Variants in KLHL32 observed in about 807,000 individuals in gnomAD.
The protein encoded by KLHL32 is kelch-like protein 32.
KLHL32 carries 35 observed loss-of-function variants against 64.8 expected under a neutral mutation model. The ratio of observed to expected loss-of-function variants is 0.54; its 90% CI spans 0.41 to 0.72. KLHL32 has a LOEUF of 0.72. KLHL32 is among the 30% of genes least tolerant of loss of function. The pLI is 0.00. For synonymous variants in KLHL32, 259 were observed against 281.0 expected (o/e 0.92, Z 0.78); for missense variants, 589 against 768.5 (o/e 0.77, Z 2.76).
In KLHL32 at chr6:97,128,429, A is replaced by G. The variant is rs571643571; in HGVS notation, c.1413+967A>G. 2.6e-5 allele frequency among the ~76,000 whole-genome samples: 4 copies of G among 152,350 alleles called. No individual in the cohort carries two copies. In the East Asian group the frequency reaches 7.7e-4, roughly 29 times the overall value. ...TTGAGTTTGGTGCACATGTGGTTAAAGAGGAAGAAGGTGTTAACATTTCTC... is the reference window on the plus strand; with the variant it reads ...TTGAGTTTGGTGCACATGTGGTTAAGGAGGAAGAAGGTGTTAACATTTCTC... On this transcript the variant is annotated intron_variant, in intron 8 of 10. Coordinates refer to ENST00000369261, the MANE Select transcript of KLHL32 (RefSeq NM_052904.4).
At chr6:97,100,964 AGC>A (rs1300207643) in intron 6 of KLHL32, among the ~76,000 whole-genome samples, 1 of 51,068 alleles carries the variant, frequency 2.0e-5, no homozygotes, top group African/African-American at 8.6e-5. Context: ...ACTGCAGCCA[AGC>A]TTTTTTTTTT....
At chr6:96,923,986 T>C (rs987609362), upstream of KLHL32, among the ~76,000 whole-genome samples, 8 of 152,188 alleles carry the variant, frequency 5.3e-5, no homozygotes, top group Non-Finnish European at 1.0e-4. Context: ...TATGGTTCTG[T>C]GGTTGTTGTC....
intron 10 of KLHL32, among the ~76,000 whole-genome samples, chr6:97,136,655 C>T (rs1338665378): frequency 6.6e-6 from 1 of 152,148 alleles, no homozygotes. Context: ...CTACTGTTAT[C>T]TTCATTTACT....
At chr6:97,045,634 A>G (rs1392770244) in intron 4 of KLHL32, among the ~76,000 whole-genome samples, 1 of 152,244 alleles carries the variant, frequency 6.6e-6, no homozygotes, top group Non-Finnish European at 1.5e-5. Flanking sequence ...CTGAGTTAAA[A>G]TACACATGCA....
At chr6:97,129,407 A>G (rs1799205174) in intron 8 of KLHL32, among the ~76,000 whole-genome samples, 1 of 152,138 alleles carries the variant, frequency 6.6e-6, no homozygotes, top group South Asian at 2.1e-4. Context: ...CCTGTCCATT[A>G]CTTTCTTTAC....
At chr6:97,092,241 G>T (rs1013805317) in intron 6 of KLHL32, among the ~76,000 whole-genome samples, 2 of 151,876 alleles carry the variant, frequency 1.3e-5, no homozygotes, top group Admixed American at 1.3e-4. Context: ...CACCTGCCTC[G>T]GCCTCCCAAA....
In KLHL32 at chr6:97,135,496, C is replaced by T. The variant is rs932903272; in HGVS notation, c.1701+2749C>T. Among the ~76,000 whole-genome samples, 9 of 151,690 alleles carry T rather than the reference C, an allele frequency of 5.9e-5. 1 individual carries two copies. The highest frequency in any genetic ancestry group is 8.8e-5 in the Non-Finnish European group (6 of 67,908). On this transcript the variant is annotated intron_variant, in intron 10 of 10. Transcript: ENST00000369261. ...AATTTTTTGTATTTTTTAGTAGACACGGGGTTTCACCATGCTGGCCAGGCT... is the reference window on the plus strand; with the variant it reads ...AATTTTTTGTATTTTTTAGTAGACATGGGGTTTCACCATGCTGGCCAGGCT...
At chr6:97,078,308 G>A (rs932771011) in intron 5 of KLHL32, among the ~76,000 whole-genome samples, 7 of 152,142 alleles carry the variant, frequency 4.6e-5, no homozygotes, top group African/African-American at 1.7e-4. Context: ...CTACATCATG[G>A]GCATAGAACC....
chr6:97,109,227 A>G (rs947567600), intron 6 of KLHL32, among the ~76,000 whole-genome samples: 10 of 152,240 alleles, frequency 6.6e-5, no homozygotes, highest in Admixed American at 6.5e-4. Flanking sequence ...TGTAAATTAG[A>G]TTCACCTTTG....
intron 5 of KLHL32, among the ~76,000 whole-genome samples, chr6:97,065,019 C>CG (rs1202217826): frequency 6.6e-6 from 1 of 152,058 alleles, no homozygotes; most frequent in East Asian, 1.9e-4. Context: ...CTGCAGGAGC[C>CG]GGGGGAGGTG....
At chr6:96,981,271 T>A (rs1052809394) in intron 3 of KLHL32, among the ~76,000 whole-genome samples, 2 of 152,218 alleles carry the variant, frequency 1.3e-5, no homozygotes, top group African/African-American at 4.8e-5. Flanking sequence ...TTCAAATTTT[T>A]TCCTGGTTCA....
At position 96,953,389 on chromosome 6, in the gene KLHL32, G is replaced by T. The variant is rs577347524; in HGVS notation, c.-65-13607G>T. Among the ~76,000 whole-genome samples, 3 of 152,266 alleles carry T rather than the reference G, an allele frequency of 2.0e-5. No homozygotes were observed. In the South Asian group the frequency reaches 6.2e-4, roughly 32 times the overall value. On this transcript the variant is annotated intron_variant, in intron 1 of 10. Transcript: ENST00000369261. ...TCATGCCTGTAATACCAGCACTTTG[G>T]TAGGCTAAGGCAGGAGGATCACTTG... is the stretch of plus-strand genomic sequence containing the variant.
chr6:97,103,062 T>G (rs1316760547), intron 6 of KLHL32, among the ~76,000 whole-genome samples: 1 of 151,212 alleles, frequency 6.6e-6, no homozygotes, highest in Non-Finnish European at 1.5e-5. Flanking sequence ...TATATATAAA[T>G]AAACATAGAA....
Position 97,064,702 on chromosome 6 carries a change from T to C in KLHL32, c.387T>C (p.Asn129=), listed in dbSNP as rs369968936. ...ACCTACAGCTGTTGGAGCTTCTCAATTTATGCTCCCACTATCTCATCCAGG... is the reference window on the plus strand; with the variant it reads ...ACCTACAGCTGTTGGAGCTTCTCAACTTATGCTCCCACTATCTCATCCAGG... ...GSHLQLLELL[N]LCSHYLIQEL... The change falls in exon 5 of 11, where the codon AAT becomes AAC. Residue 129 remains asparagine, a synonymous_variant. Transcript: ENST00000369261. 1.2e-6 allele frequency: 2 copies of C among 1,613,880 alleles called. No homozygotes were observed. Among genetic ancestry groups the C allele is most frequent in the African/African-American group, 2.7e-5 (2 of 75,022 alleles).
intron 4 of KLHL32, among the ~76,000 whole-genome samples, chr6:97,051,347 G>T (rs529426020): frequency 1.3e-5 from 2 of 152,262 alleles, no homozygotes; most frequent in East Asian, 3.9e-4. Context: ...AATAGAAAAA[G>T]AAATATTTCC....
intron 3 of KLHL32, among the ~76,000 whole-genome samples, chr6:97,032,203 A>G (rs1783661655): frequency 6.6e-6 from 1 of 152,206 alleles, no homozygotes; most frequent in South Asian, 2.1e-4. Flanking sequence ...TGAAATACAT[A>G]AGTAATACAT....
At chr6:97,101,005 C>T (rs1358919143) in intron 6 of KLHL32, among the ~76,000 whole-genome samples, 1 of 122,476 alleles carries the variant, frequency 8.2e-6, no homozygotes, top group African/African-American at 3.2e-5. Flanking sequence ...ACAGGGCCTC[C>T]CTATGTTGCC....
chr6:97,018,226 C>T (rs1781497041), intron 3 of KLHL32, among the ~76,000 whole-genome samples: 1 of 152,034 alleles, frequency 6.6e-6, no homozygotes, highest in African/African-American at 2.4e-5. Context: ...AAAAACACAA[C>T]AGAAGATGAC....
rs201027681 is a variant in KLHL32, at chr6:97,068,178, G to GA, written c.411+3462dup. The stretch of plus-strand genomic sequence containing the variant: ...TTTTTGCCGTTACCTTTCCAAAAAA[G>GA]AAAAAAAAAAGTTTATACATTTTGT... On this transcript the variant is annotated intron_variant, in intron 5 of 10. Transcript: ENST00000369261. Among the ~76,000 whole-genome samples the GA allele has an allele frequency of 4.7e-3, 708 of 149,090 alleles. 5 individuals are homozygous for GA. The highest frequency in any genetic ancestry group is 0.01 in the Middle Eastern group (3 of 292).
Sources: allele counts gnomAD v4.1 joint callset (sites outside exome capture counted in the v4.1 genomes callset), GRCh38; gene constraint gnomAD v4.1.1; transcripts MANE v1.5; gene names NCBI Gene and HGNC (gene_info 2026-07-23, HGNC 2026-07-21).